IRAG2: variants seen among roughly 807,000 people sequenced by gnomAD.
The protein encoded by IRAG2 is inositol 1,4,5-triphosphate receptor associated 2.
IRAG2 carries 45 observed loss-of-function variants against 69.9 expected under a neutral mutation model. That is an observed-to-expected ratio of 0.64 (90% CI 0.51 to 0.83). The LOEUF (loss-of-function observed/expected upper bound fraction) is 0.83, where lower values mean the gene tolerates loss of function less well. Ranked by LOEUF, IRAG2 falls within the 40% of genes least tolerant of loss-of-function variation. The pLI, the probability that IRAG2 is intolerant of heterozygous loss-of-function variation, is 0.00. For synonymous variants in IRAG2, 193 were observed against 202.4 expected (o/e 0.95, Z 0.40); for missense variants, 520 against 587.0 (o/e 0.89, Z 1.18).
At chr12:25,034,626 G>A (rs1443137626) in intron 13 of IRAG2, among the ~76,000 whole-genome samples, 1 of 152,106 alleles carries the variant, frequency 6.6e-6, no homozygotes, top group East Asian at 1.9e-4. Flanking sequence ...TTTTGTGCTT[G>A]TTATGCTCAG....
At chr12:25,105,084 T>G (rs1032876422) in intron 20 of IRAG2, among the ~76,000 whole-genome samples, 6 of 146,986 alleles carry the variant, frequency 4.1e-5, no homozygotes, top group South Asian at 2.2e-4. Flanking sequence ...TTTTTTTTTT[T>G]TTTTTTTTTT....
At chr12:25,019,825 C>T (rs1209448402) in intron 6 of IRAG2, among the ~76,000 whole-genome samples, 1 of 152,186 alleles carries the variant, frequency 6.6e-6, no homozygotes, top group African/African-American at 2.4e-5. Flanking sequence ...GGAACTATGT[C>T]ATATTCATCC....
In IRAG2 at chr12:25,107,965, G is replaced by A. The variant is rs1226975000; in HGVS notation, c.1405G>A (p.Ala469Thr). The part of the protein sequence containing the change: ...TGQLFQKSVD[A>T]APTQQEDSWT... ...CCAATTATTCCAGAAGTCTGTGGATGCCGCTCCCACACAGCAAGAGGACTC... is the reference window on the plus strand; with the variant it reads ...CCAATTATTCCAGAAGTCTGTGGATACCGCTCCCACACAGCAAGAGGACTC... Residue 469 changes from alanine to threonine, a missense_variant, in exon 22 of 22, where the codon GCC (alanine) becomes ACC (threonine). Physicochemically the swap from Ala to Thr is moderately conservative, Grantham distance 58. Coordinates refer to ENST00000556887, the MANE Select transcript of IRAG2 (RefSeq NM_001366544.2). 4 of 1,614,178 alleles carry A rather than the reference G, an allele frequency of 2.5e-6. No individual in the cohort carries two copies. The highest frequency in any genetic ancestry group is 3.4e-6 in the Non-Finnish European group (4 of 1,180,038).
At chr12:25,000,778 C>T (rs1944386387), upstream of IRAG2, among the ~76,000 whole-genome samples, 2 of 152,162 alleles carry the variant, frequency 1.3e-5, no homozygotes, top group African/African-American at 4.8e-5. Context: ...AGGGAAATTC[C>T]TTTTAAAAGA....
chr12:25,103,702 T>A lies in IRAG2; in HGVS notation c.934-135T>A, dbSNP rs1180266917. On this transcript the variant is annotated intron_variant, in intron 17 of 21. Transcript: ENST00000556887. ...GGAAGACAATTTGGCCACAAGAGGA[T>A]CCTTTAAGATATGTCTGTTTAACTC... is the stretch of plus-strand genomic sequence containing the variant. 9.9e-6 allele frequency: 6 copies of A among 608,900 alleles called. No individual in the cohort carries two copies. The South Asian group carries it at 1.1e-4, about 11-fold the overall frequency. 37.7% of individuals were successfully genotyped at this position (608,900 alleles called of 1,614,324 possible). A position where few individuals can be genotyped will look rare whatever the true frequency, so the allele number is the denominator to read the frequency against.
At chr12:25,052,174 T>TG (rs1944891040), upstream of IRAG2, 1 of 394,504 alleles carries the variant, frequency 2.5e-6, no homozygotes, top group South Asian at 1.4e-4. Context: ...GACTCTTAGT[T>TG]GAAATGTCAC....
intron 16 of IRAG2, among the ~76,000 whole-genome samples, chr12:25,044,317 G>A (rs562901069): frequency 6.6e-5 from 10 of 151,730 alleles, no homozygotes; most frequent in Admixed American, 6.6e-4. Flanking sequence ...ATACAGAGAA[G>A]TCAACAAAAC....
chr12:25,089,637 G>A lies in IRAG2; in HGVS notation c.397G>A (p.Val133Ile), dbSNP rs751955551. 1.7e-5 allele frequency: 28 copies of A among 1,601,078 alleles called. No homozygotes were observed. Among genetic ancestry groups the A allele is most frequent in the Non-Finnish European group, 2.4e-5 (28 of 1,169,022 alleles). ...SGDSVVSPLP[V>I]TTVKSVNLRQ... ...AGACTCTGTGGTTTCCCCTCTTCCTGTAACCACTGTGAAATCGGTTAACCT... is the reference window on the plus strand; with the variant it reads ...AGACTCTGTGGTTTCCCCTCTTCCTATAACCACTGTGAAATCGGTTAACCT... Residue 133 changes from valine to isoleucine, a missense_variant, in exon 12 of 22, where the codon GTA (valine) becomes ATA (isoleucine). Physicochemically the swap from Val to Ile is conservative, Grantham distance 29. Coordinates refer to ENST00000556887, the MANE Select transcript of IRAG2 (RefSeq NM_001366544.2).
chr12:25,019,826 A>G (rs1944563614), intron 6 of IRAG2, among the ~76,000 whole-genome samples: 2 of 152,194 alleles, frequency 1.3e-5, no homozygotes, highest in South Asian at 4.1e-4. Flanking sequence ...GAACTATGTC[A>G]TATTCATCCT....
At chr12:25,012,793 ACTCTAGC>A (rs1458592662) in intron 3 of IRAG2, among the ~76,000 whole-genome samples, 1 of 152,090 alleles carries the variant, frequency 6.6e-6, no homozygotes, top group African/African-American at 2.4e-5. Flanking sequence ...GTGCCATAGC[ACTCTAGC>A]CTAGGCAACA....
chr12:25,061,057 A>T (rs1591971597), intron 1 of IRAG2, among the ~76,000 whole-genome samples: 1 of 152,244 alleles, frequency 6.6e-6, no homozygotes, highest in Admixed American at 6.5e-5. Context: ...AAATTTAAAT[A>T]CCCAAGGGAG....
At chr12:25,035,231 G>A (rs1944693921) in intron 13 of IRAG2, among the ~76,000 whole-genome samples, 2 of 152,176 alleles carry the variant, frequency 1.3e-5, no homozygotes, top group Non-Finnish European at 2.9e-5. Context: ...TTTGAGAGAA[G>A]TATAGGGAAT....
At chr12:25,023,111 A>G (rs1944595149) in intron 7 of IRAG2, among the ~76,000 whole-genome samples, 1 of 144,374 alleles carries the variant, frequency 6.9e-6, no homozygotes, top group Non-Finnish European at 1.5e-5. Flanking sequence ...GGGCAACAAG[A>G]GCGAGACTTC....
intron 6 of IRAG2, among the ~76,000 whole-genome samples, chr12:25,078,198 T>C (rs1444778703): frequency 6.6e-6 from 1 of 152,224 alleles, no homozygotes; most frequent in Non-Finnish European, 1.5e-5. Context: ...TTAAATGAGA[T>C]GATATATTAA....
At chr12:25,092,934 G>A (rs1408693324) in intron 14 of IRAG2, 1 of 154,780 alleles carries the variant, frequency 6.5e-6, no homozygotes, top group East Asian at 1.9e-4. Context: ...TCTAACCAAA[G>A]CAGCTCATCC....
intron 20 of IRAG2, among the ~76,000 whole-genome samples, chr12:25,106,430 C>T (rs1949126259): frequency 7.9e-6 from 1 of 126,532 alleles, no homozygotes; most frequent in African/African-American, 2.9e-5. Flanking sequence ...TATTAATATG[C>T]ATATATTATA....
At chr12:25,095,236 T>C (rs11047826) in intron 14 of IRAG2, among the ~76,000 whole-genome samples, 17,385 of 152,110 alleles carry the variant, frequency 0.11, 1,339 homozygotes, top group Admixed American at 0.16. Context: ...TAGGTTAAGG[T>C]AATTTTCTCC....
At position 25,101,167 on chromosome 12, in the gene IRAG2, T is replaced by C; in HGVS notation, c.742-11T>C. 6.3e-7 allele frequency: 1 copy of C among 1,588,656 alleles called. No individual in the cohort carries two copies. Among genetic ancestry groups the C allele is most frequent in the Non-Finnish European group, 8.6e-7 (1 of 1,167,384 alleles). ...TTTCAATGTAAATGTGCTCGTTTTT[T>C]CTCTTGCTAGGAAAGCCGGGTTAGT... On this transcript the variant is annotated splice_polypyrimidine_tract_variant and intron_variant, in intron 15 of 21. Transcript: ENST00000556887.
intron 10 of IRAG2, chr12:25,032,060 G>A (rs1944672405): frequency 1.5e-5 from 6 of 397,470 alleles, no homozygotes; most frequent in South Asian, 2.8e-4. Context: ...CAATTTTTCT[G>A]TGGCTCACAT....
Sources: gnomAD v4.1 joint callset for allele counts (sites outside exome capture counted in the v4.1 genomes callset) on GRCh38, gnomAD v4.1.1 for gene constraint, MANE v1.5 for transcripts, NCBI Gene and HGNC (gene_info 2026-07-23, HGNC 2026-07-21) for gene names.